Variants in DGKG observed in about 807,000 individuals in gnomAD.
DGKG encodes DAG kinase gamma.
DGKG carries 78 observed loss-of-function variants against 105.3 expected under a neutral mutation model. That is an observed-to-expected ratio of 0.74 (90% CI 0.62 to 0.89). The LOEUF (loss-of-function observed/expected upper bound fraction) is 0.89. Among genes scored for constraint, DGKG ranks in the 40% least tolerant of loss-of-function variants. The pLI, the probability that DGKG is intolerant of heterozygous loss-of-function variation, is 0.00. For missense variants in DGKG, 958 were observed against 1,020.1 expected (o/e 0.94, Z 0.83); for synonymous variants, 346 against 367.1 (o/e 0.94, Z 0.66).
At chr3:186,220,595 G>T (rs1719518578) in intron 20 of DGKG, among the ~76,000 whole-genome samples, 1 of 152,178 alleles carries the variant, frequency 6.6e-6, no homozygotes, top group South Asian at 2.1e-4. Context: ...CTGTGAGCTG[G>T]GTTTACTCAC....
chr3:186,246,847 C>T (rs146067718), intron 19 of DGKG, among the ~76,000 whole-genome samples: 22 of 152,306 alleles, frequency 1.4e-4, no homozygotes, highest in African/African-American at 4.8e-4. Flanking sequence ...ACCACTGTGG[C>T]CTCTCCTTGG....
chr3:186,243,485 G>A (rs1299501453), intron 19 of DGKG, among the ~76,000 whole-genome samples: 4 of 152,064 alleles, frequency 2.6e-5, no homozygotes, highest in Non-Finnish European at 4.4e-5. Context: ...GTGAGTTCTC[G>A]TGGCTGTTAC....
chr3:186,242,314 CAGTT>C lies in DGKG; in HGVS notation c.1826+186_1826+189del, dbSNP rs1720726388. On this transcript the variant is annotated intron_variant, in intron 20 of 24. Coordinates refer to ENST00000265022, the MANE Select transcript of DGKG (RefSeq NM_001346.3). The stretch of plus-strand genomic sequence containing the variant: ...CACAGATCCTTTGGGAGAGGACAGG[CAGTT>C]AGCCTGCGCCAAGTTTCTGACACTT... 2.0e-5 allele frequency among the ~76,000 whole-genome samples: 3 copies of C among 152,182 alleles called. No individual in the cohort carries two copies. The South Asian group carries it at 6.2e-4, about 32-fold the overall frequency.
intron 21 of DGKG, among the ~76,000 whole-genome samples, chr3:186,194,357 G>C (rs899303714): frequency 6.6e-6 from 1 of 152,206 alleles, no homozygotes; most frequent in African/African-American, 2.4e-5. Context: ...GAGGGACCCG[G>C]AGCACCGAAG....
chr3:186,270,133 A>G (rs1722250456), intron 11 of DGKG, among the ~76,000 whole-genome samples: 1 of 52,270 alleles, frequency 1.9e-5, no homozygotes, highest in South Asian at 4.8e-4. Context: ...ATAAGAATAA[A>G]CGTGTTTTTT....
At chr3:186,355,024 C>T (rs1054641873) in intron 1 of DGKG, among the ~76,000 whole-genome samples, 2 of 152,100 alleles carry the variant, frequency 1.3e-5, no homozygotes, top group African/African-American at 2.4e-5. Context: ...AATTGAATAA[C>T]ATCCCAGGGT....
rs1456984597 is a variant in DGKG at position 186,263,118 on chromosome 3, C to T, written c.1270-1340G>A. On this transcript the variant is annotated intron_variant, in intron 14 of 24. Transcript: ENST00000265022. ...CTCCAGCCTGGGCGACAGAGCAAGA[C>T]TCCGTCTCGGAAAAGAAAAACAAAC... is the stretch of plus-strand genomic sequence containing the variant. Among the ~76,000 whole-genome samples, 7 of 148,206 alleles carry T rather than the reference C, an allele frequency of 4.7e-5. No individual in the cohort carries two copies. The South Asian group carries it at 1.3e-3, about 28-fold the overall frequency.
chr3:186,291,722 T>G (rs1039698160), intron 5 of DGKG, among the ~76,000 whole-genome samples: 3 of 151,454 alleles, frequency 2.0e-5, no homozygotes, highest in African/African-American at 7.3e-5. Context: ...GATCAGTAGT[T>G]GTATGGGGAT....
chr3:186,238,407 C>T (rs2108547894), intron 20 of DGKG, among the ~76,000 whole-genome samples: 1 of 151,958 alleles, frequency 6.6e-6, no homozygotes, highest in African/African-American at 2.4e-5. Flanking sequence ...TATACGACTT[C>T]CTGTATACTA....
At chr3:186,168,617 C>A (rs549880752) in intron 22 of DGKG, among the ~76,000 whole-genome samples, 1 of 152,284 alleles carries the variant, frequency 6.6e-6, no homozygotes, top group East Asian at 1.9e-4. Context: ...GAGGCTGAGG[C>A]AGGCGGATCA....
intron 16 of DGKG, among the ~76,000 whole-genome samples, chr3:186,259,220 T>C (rs576446679): frequency 6.6e-6 from 1 of 152,328 alleles, no homozygotes; most frequent in African/African-American, 2.4e-5. Flanking sequence ...GCCCGGGAAG[T>C]AGCCACCTGG....
At chr3:186,355,689 A>C (rs567465176) in intron 1 of DGKG, among the ~76,000 whole-genome samples, 1 of 150,002 alleles carries the variant, frequency 6.7e-6, no homozygotes, top group South Asian at 2.1e-4. Flanking sequence ...TCATTACCCC[A>C]TTATCACCAT....
intron 1 of DGKG, among the ~76,000 whole-genome samples, chr3:186,323,486 T>C (rs1375688697): frequency 6.6e-6 from 1 of 152,192 alleles, no homozygotes. Flanking sequence ...AAGGAGCCAC[T>C]AGTGCTTCTG....
chr3:186,179,994 C>A (rs969944518), intron 22 of DGKG, among the ~76,000 whole-genome samples: 3 of 152,214 alleles, frequency 2.0e-5, no homozygotes, highest in African/African-American at 7.2e-5. Context: ...TATTGACAAG[C>A]CCTTTTGAGG....
intron 24 of DGKG, among the ~76,000 whole-genome samples, chr3:186,152,961 CTTTTTTTTT>C (rs10579014): frequency 4.8e-5 from 6 of 124,532 alleles, no homozygotes; most frequent in South Asian, 5.1e-4. Context: ...CGCGCCCGGC[CTTTTTTTTT>C]TTTTTTTTTT....
chr3:186,248,494 C>T (rs1721053555), intron 19 of DGKG, among the ~76,000 whole-genome samples: 1 of 152,232 alleles, frequency 6.6e-6, no homozygotes. Flanking sequence ...GTTGTCTTCA[C>T]TCCCTGAGAA....
At position 186,356,297 on chromosome 3, in the gene DGKG, C is replaced by T. The variant is rs544238736; in HGVS notation, c.-249+5649G>A. ...ATGGCAGGAAGCTGGCTGAGAGGGC[C>T]GGTAAATACACTGGATGCTAGAATC... On this transcript the variant is annotated intron_variant, in intron 1 of 24. Transcript: ENST00000265022. Among the ~76,000 whole-genome samples the T allele has an allele frequency of 7.2e-5, 11 of 152,136 alleles. No individual in the cohort carries two copies. The East Asian group carries it at 1.5e-3, about 21-fold the overall frequency.
intron 1 of DGKG, among the ~76,000 whole-genome samples, chr3:186,359,327 T>C (rs979096970): frequency 6.6e-6 from 1 of 152,210 alleles, no homozygotes; most frequent in African/African-American, 2.4e-5. Context: ...GTAAAGACTT[T>C]GCCCAGAGTT....
rs759822125 is a variant in DGKG at position 186,267,773 on chromosome 3, T to G, written c.1121A>C (p.His374Pro). Residue 374 changes from histidine to proline, a missense_variant, in exon 13 of 25, where the codon CAC becomes CCC. Transcript: ENST00000265022. Reference protein sequence around the residue: ...RHCVWCRMTFHRKCELSTLCD... With the variant: ...RHCVWCRMTFPRKCELSTLCD... ...CAACGTTGATAATTCACATTTGCGG[T>G]GAAACTGGGGGGAGAAATGAAAAAG... 1.9e-6 allele frequency: 3 copies of G among 1,613,404 alleles called. No individual in the cohort carries two copies. In the South Asian group the frequency reaches 3.3e-5, roughly 18 times the overall value.
Sources: allele counts gnomAD v4.1 joint callset (sites outside exome capture counted in the v4.1 genomes callset), GRCh38; gene constraint gnomAD v4.1.1; transcripts MANE v1.5; gene names NCBI Gene and HGNC (gene_info 2026-07-23, HGNC 2026-07-21).